Variants in HOMER1 observed in about 807,000 individuals in gnomAD.
HOMER1 encodes homer scaffold protein 1.
HOMER1 carries 3 observed loss-of-function variants against 48.9 expected under a neutral mutation model. The observed-to-expected ratio is 0.06, with a 90% CI of 0.03 to 0.16. HOMER1 has a LOEUF of 0.16. Ranked by LOEUF, HOMER1 falls within the 10% of genes least tolerant of loss-of-function variation. The probability of loss-of-function intolerance (pLI) is 1.00; values close to 1 mark genes in which losing one functional copy is unlikely to be tolerated. For synonymous variants in HOMER1, 134 were observed against 146.4 expected, an observed-to-expected ratio of 0.92 and a Z score of 0.61; for missense variants, 247 against 411.4, an observed-to-expected ratio of 0.60 and a Z score of 3.46.
At chr5:79,500,053 C>G (rs2112371414) in intron 1 of HOMER1, among the ~76,000 whole-genome samples, 1 of 152,276 alleles carries the variant, frequency 6.6e-6, no homozygotes, top group East Asian at 1.9e-4. Context: ...AGATTGAGGT[C>G]TGCAGCTGTG....
chr5:79,465,504 T>A (rs1580001439), intron 1 of HOMER1, among the ~76,000 whole-genome samples: 1 of 150,436 alleles, frequency 6.6e-6, no homozygotes, highest in African/African-American at 2.4e-5. Flanking sequence ...ATATCAAATC[T>A]AAAATTTCCA....
intron 5 of HOMER1, among the ~76,000 whole-genome samples, chr5:79,437,401 ATAC>A: frequency 6.6e-6 from 1 of 152,192 alleles, no homozygotes; most frequent in East Asian, 1.9e-4. Flanking sequence ...TTAAAATTGC[ATAC>A]TAATATGATT....
chr5:79,430,798 A>ATG (rs1750400442), intron 5 of HOMER1, among the ~76,000 whole-genome samples: 1 of 151,674 alleles, frequency 6.6e-6, no homozygotes, highest in Non-Finnish European at 1.5e-5. Flanking sequence ...TTAGCTGAGC[A>ATG]TGGTGGCGCA....
chr5:79,385,430 A>C (rs1222148944), intron 8 of HOMER1, among the ~76,000 whole-genome samples: 1 of 152,194 alleles, frequency 6.6e-6, no homozygotes. Flanking sequence ...CCACTAAAAA[A>C]TGGGCAAAGG....
chr5:79,449,969 A>T (rs1750988673), intron 3 of HOMER1, among the ~76,000 whole-genome samples: 1 of 152,202 alleles, frequency 6.6e-6, no homozygotes, highest in Non-Finnish European at 1.5e-5. Flanking sequence ...AAAGTGTAAG[A>T]TTTCTAAAAA....
At chr5:79,396,615 A>G (rs1381843691) in intron 8 of HOMER1, among the ~76,000 whole-genome samples, 1 of 152,164 alleles carries the variant, frequency 6.6e-6, no homozygotes, top group East Asian at 1.9e-4. Flanking sequence ...TACAATTTAT[A>G]AATGACCATC....
chr5:79,399,283 T>C (rs886484403), intron 6 of HOMER1, among the ~76,000 whole-genome samples: 1 of 152,186 alleles, frequency 6.6e-6, no homozygotes, highest in Non-Finnish European at 1.5e-5. Context: ...TCTGGCTGCA[T>C]TGCTTGACTG....
chr5:79,470,171 C>A (rs1751578840), intron 1 of HOMER1, among the ~76,000 whole-genome samples: 1 of 152,126 alleles, frequency 6.6e-6, no homozygotes, highest in Non-Finnish European at 1.5e-5. Context: ...GATAAACGGG[C>A]ATCTTAACAA....
rs866260120 is a variant in HOMER1 at position 79,376,016 on chromosome 5, C to T, written c.1058G>A (p.Cys353Tyr). The stretch of plus-strand genomic sequence containing the variant: ...ACTGAAATTTCACTTTCCTTAGCTG[C>T]ATTCTAGTAGCTTGGCCAAGTTATC... ...LRDNLAKLLE[C>Y]S The change falls in exon 9 of 9, where the codon TGC (cysteine) becomes TAC (tyrosine). Residue 353 changes from cysteine (C) to tyrosine (Y), a missense_variant. Physicochemically the swap from Cys to Tyr is radical, Grantham distance 194. This residue lies in a region of HOMER1 where 113 missense variants were observed against 152.5 expected (regional missense o/e 0.74). Coordinates refer to ENST00000334082, the MANE Select transcript of HOMER1 (RefSeq NM_004272.5). 6.2e-7 allele frequency: 1 copy of T among 1,605,332 alleles called. No individual in the cohort carries two copies.
Position 79,376,183 on chromosome 5 carries a change from C to G in HOMER1, c.891G>C (p.Arg297=). 1.2e-6 allele frequency: 2 copies of G among 1,610,492 alleles called. No individual in the cohort carries two copies. The highest frequency in any genetic ancestry group is 1.7e-6 in the Non-Finnish European group (2 of 1,178,694). ...ACAGTTGTCCCTCCAGGTCTTTGTTCCGAATTTCTACTTCCTTCAGAAACA... is the reference window on the plus strand; with the variant it reads ...ACAGTTGTCCCTCCAGGTCTTTGTTGCGAATTTCTACTTCCTTCAGAAACA... ...LTQKLQEVEI[R]NKDLEGQLSD... The change falls in exon 9 of 9, where the codon CGG becomes CGC. Residue 297 remains arginine (R), a synonymous_variant. Coordinates refer to ENST00000334082, the MANE Select transcript of HOMER1 (RefSeq NM_004272.5).
chr5:79,408,588 C>A (rs1456193864), intron 5 of HOMER1, among the ~76,000 whole-genome samples: 4 of 152,148 alleles, frequency 2.6e-5, no homozygotes, highest in Admixed American at 6.5e-5. Flanking sequence ...TAAATCTCAA[C>A]CCATATCTCA....
chr5:79,465,584 C>CTTTTTTTGTTTTTTTT (rs1751438248), intron 1 of HOMER1, among the ~76,000 whole-genome samples: 1 of 77,894 alleles, frequency 1.3e-5, no homozygotes, highest in African/African-American at 6.1e-5. Context: ...TACATTTCTT[C>CTTTTTTTGTTTTTTTT]TTTTTTTTTT....
At chr5:79,451,692 A>C (rs1751032980) in intron 2 of HOMER1, among the ~76,000 whole-genome samples, 1 of 149,330 alleles carries the variant, frequency 6.7e-6, no homozygotes, top group African/African-American at 2.5e-5. Context: ...CAGCCTCCTG[A>C]GTAGCTGGGA....
At chr5:79,502,829 C>A (rs547295023) in intron 1 of HOMER1, among the ~76,000 whole-genome samples, 1 of 152,170 alleles carries the variant, frequency 6.6e-6, no homozygotes, top group Non-Finnish European at 1.5e-5. Context: ...CTCGCTCTGT[C>A]GCCCAGGCTG....
intron 8 of HOMER1, among the ~76,000 whole-genome samples, chr5:79,392,987 G>GAGAGAA (rs1044159080): frequency 7.2e-6 from 1 of 138,602 alleles, no homozygotes; most frequent in African/African-American, 2.6e-5. Flanking sequence ...GAGAGAGAGA[G>GAGAGAA]AAGAGAGCCA....
intron 1 of HOMER1, among the ~76,000 whole-genome samples, chr5:79,497,682 A>AG (rs60843015): frequency 3.3e-5 from 5 of 149,974 alleles, no homozygotes; most frequent in Non-Finnish European, 4.4e-5. Context: ...AAAAAAAAAA[A>AG]GGCAGCTTAA....
chr5:79,497,059 C>CAAA (rs5868996), intron 1 of HOMER1, among the ~76,000 whole-genome samples: 70 of 52,270 alleles, frequency 1.3e-3, no homozygotes, highest in African/African-American at 2.6e-3. Flanking sequence ...GACTTTGTCT[C>CAAA]AAAAAAAAAA....
chr5:79,510,352 A>G (rs12656113), intron 1 of HOMER1: 13,652 of 501,924 alleles, frequency 0.027, 699 homozygotes, highest in East Asian at 0.23. Flanking sequence ...TTCCCACTTT[A>G]AACAACAGCC....
chr5:79,424,303 A>C (rs1380384908), intron 5 of HOMER1, among the ~76,000 whole-genome samples: 1 of 152,046 alleles, frequency 6.6e-6, no homozygotes, highest in Non-Finnish European at 1.5e-5. Context: ...GGTATGAATA[A>C]TTAAATCTCA....
Sources: gnomAD v4.1 joint callset for allele counts (sites outside exome capture counted in the v4.1 genomes callset) on GRCh38, gnomAD v4.1.1 for gene constraint, gnomAD v4.1.1 regional missense constraint, MANE v1.5 for transcripts, NCBI Gene and HGNC (gene_info 2026-07-23, HGNC 2026-07-21) for gene names.